Variants in SLCO3A1 observed in about 807,000 individuals in gnomAD.
SLCO3A1 encodes PGE1 transporter.
SLCO3A1 carries 27 observed loss-of-function variants against 63.1 expected under a neutral mutation model. That is an observed-to-expected ratio of 0.43 (90% confidence interval 0.32 to 0.59). The LOEUF (loss-of-function observed/expected upper bound fraction) is 0.59, where lower values mean the gene tolerates loss of function less well. Ranked by LOEUF, SLCO3A1 falls within the 20% of genes least tolerant of loss-of-function variation. The pLI is 0.09. For synonymous variants in SLCO3A1, 473 were observed against 409.9 expected (o/e 1.15, Z -1.86); for missense variants, 773 against 945.8 (o/e 0.82, Z 2.40).
At chr15:92,150,901 G>T in intron 8 of SLCO3A1, 49 bp from the exon 9 acceptor site, 1 of 1,382,538 alleles carries the variant, frequency 7.2e-7, no homozygotes, top group Non-Finnish European at 1.0e-6. Context: ...AATTACAGGG[G>T]AATGATAAAA....
intron 2 of SLCO3A1, among the ~76,000 whole-genome samples, chr15:91,963,726 C>T (rs917075094): frequency 8.5e-5 from 13 of 152,120 alleles, no homozygotes; most frequent in East Asian, 1.9e-4. Context: ...TTGGTGGGTT[C>T]GTGGTCTCGC....
At position 92,104,094 on chromosome 15, in the gene SLCO3A1, G is replaced by A. The variant is rs374151508; in HGVS notation, c.746-185G>A. Among the ~76,000 whole-genome samples, 73 of 152,288 alleles carry A rather than the reference G, an allele frequency of 4.8e-4. 1 individual carries two copies. The East Asian group carries it at 0.012, about 25-fold the overall frequency. On this transcript the variant is annotated intron_variant, in intron 3 of 9. Transcript: ENST00000318445. ...TAAGGGGGGAATGTGATCAGCCTCC[G>A]GCTTTGAGAGAAACAGAACCGCTGG...
At chr15:92,019,735 T>G (rs1446494707) in intron 2 of SLCO3A1, among the ~76,000 whole-genome samples, 1 of 152,206 alleles carries the variant, frequency 6.6e-6, no homozygotes, top group African/African-American at 2.4e-5. Context: ...CCTTTGTCCC[T>G]TTTCCCGAGG....
intron 2 of SLCO3A1, among the ~76,000 whole-genome samples, chr15:92,022,889 G>A (rs1040060655): frequency 6.6e-6 from 1 of 152,116 alleles, no homozygotes; most frequent in African/African-American, 2.4e-5. Context: ...GCTACCTGCA[G>A]TCAGGGAGTC....
At chr15:92,120,266 C>T (rs6496892) in intron 4 of SLCO3A1, among the ~76,000 whole-genome samples, 199 bp from the exon 5 acceptor site, 119,170 of 152,046 alleles carry the variant, frequency 0.78, 48,286 homozygotes, top group Non-Finnish European at 0.9. Context: ...TGTCAGTGTA[C>T]GCTTTGAAGC....
chr15:92,120,574 G>T lies in SLCO3A1; in HGVS notation c.1119G>T (p.Gly373=). 1 of 1,613,906 alleles carries T rather than the reference G, an allele frequency of 6.2e-7. No individual in the cohort carries two copies. The highest frequency in any genetic ancestry group is 8.5e-7 in the Non-Finnish European group (1 of 1,179,958). Residue 373 remains glycine (G), a synonymous_variant, in exon 5 of 10, where the codon GGG becomes GGT. Transcript: ENST00000318445. Reference sequence around the variant, plus strand: ...TGGCTGGCTTCGCTGCCTTTTTGGGGAAGTACCTGGAGCAGCAGTTTAACC... The same window carrying T: ...TGGCTGGCTTCGCTGCCTTTTTGGGTAAGTACCTGGAGCAGCAGTTTAACC... The part of the protein sequence containing the change: ...AVVAGFAAFL[G]KYLEQQFNLT...
Position 91,860,595 on chromosome 15 carries a change from TGAAGC to T in SLCO3A1, c.180+6508_180+6512del, listed in dbSNP as rs768854639. On this transcript the variant is annotated intron_variant, in intron 1 of 9. Coordinates refer to ENST00000318445, the MANE Select transcript of SLCO3A1 (RefSeq NM_013272.4). This position sits in a 1 kb window ranked among gnomAD's most constrained non-coding sequence, Gnocchi z 5.5. ...TTCCTAAACTGGTGATCTGGGCTCCTGAAGCTTGCTCTGCTTCACTGGCTGAAAGG... is the reference window on the plus strand; with the variant it reads ...TTCCTAAACTGGTGATCTGGGCTCCTTTGCTCTGCTTCACTGGCTGAAAGG... Among the ~76,000 whole-genome samples, 96 of 152,368 alleles carry T rather than the reference TGAAGC, an allele frequency of 6.3e-4. 1 individual carries two copies. The highest frequency in any genetic ancestry group is 1.2e-3 in the Non-Finnish European group (84 of 68,032).
At chr15:91,981,303 C>T (rs1293543807) in intron 2 of SLCO3A1, among the ~76,000 whole-genome samples, 1 of 152,190 alleles carries the variant, frequency 6.6e-6, no homozygotes, top group Non-Finnish European at 1.5e-5. Flanking sequence ...ACACTTCTTG[C>T]TCAGAAAGCT....
chr15:92,048,207 C>T (rs2046913549), intron 2 of SLCO3A1, among the ~76,000 whole-genome samples: 1 of 152,090 alleles, frequency 6.6e-6, no homozygotes, highest in Non-Finnish European at 1.5e-5. Context: ...TTACTATTGC[C>T]TGGACTTATT....
chr15:91,918,514 T>C (rs1898735684), intron 2 of SLCO3A1, among the ~76,000 whole-genome samples: 1 of 152,206 alleles, frequency 6.6e-6, no homozygotes, highest in Non-Finnish European at 1.5e-5. Context: ...TTTATCGGGA[T>C]CAGGAGAGGA....
chr15:92,087,060 T>TA (rs2047413710), intron 2 of SLCO3A1, among the ~76,000 whole-genome samples: 2 of 152,112 alleles, frequency 1.3e-5, no homozygotes, highest in Non-Finnish European at 2.9e-5. Flanking sequence ...TAGAAGCTTT[T>TA]ATGTTTTCCT....
intron 2 of SLCO3A1, among the ~76,000 whole-genome samples, chr15:92,044,225 T>G (rs1267438898): frequency 6.6e-6 from 1 of 152,136 alleles, no homozygotes; most frequent in Non-Finnish European, 1.5e-5. Context: ...CCTATCTCAG[T>G]GCCCACAACT....
At chr15:92,088,990 A>C (rs1254101762) in intron 2 of SLCO3A1, among the ~76,000 whole-genome samples, 1 of 149,770 alleles carries the variant, frequency 6.7e-6, no homozygotes, top group Non-Finnish European at 1.5e-5. Context: ...CACTTACCCC[A>C]GCTTTATTTA....
chr15:92,025,302 A>G (rs1309176374), intron 2 of SLCO3A1, among the ~76,000 whole-genome samples: 2 of 152,078 alleles, frequency 1.3e-5, no homozygotes, highest in African/African-American at 4.8e-5. Context: ...GCTCAAAGGT[A>G]AGCCAAGCCA....
At chr15:92,016,234 T>TAGAC (rs2046427760) in intron 2 of SLCO3A1, among the ~76,000 whole-genome samples, 1 of 52,666 alleles carries the variant, frequency 1.9e-5, no homozygotes, top group Non-Finnish European at 3.2e-5. Context: ...GATAGATAGA[T>TAGAC]AGATAGATAG....
chr15:91,919,407 A>G (rs1898767618), intron 2 of SLCO3A1, among the ~76,000 whole-genome samples: 1 of 152,214 alleles, frequency 6.6e-6, no homozygotes, highest in South Asian at 2.1e-4. Context: ...AAACTGGATG[A>G]ATGGGGACTC....
intron 2 of SLCO3A1, among the ~76,000 whole-genome samples, chr15:92,060,274 A>T (rs748473699): frequency 6.6e-6 from 1 of 151,954 alleles, no homozygotes; most frequent in Non-Finnish European, 1.5e-5. Context: ...AATTAACCTT[A>T]GCCAGCTGGG....
exon 11 of SLCO3A1, chr15:92,172,402 T>C (rs906026196): frequency 1.3e-5 from 2 of 152,314 alleles, no homozygotes; most frequent in African/African-American, 4.8e-5. Flanking sequence ...GTACGTTTGC[T>C]GAAAATTATA....
intron 2 of SLCO3A1, among the ~76,000 whole-genome samples, chr15:92,091,386 C>T (rs1403695078): frequency 1.3e-5 from 2 of 152,220 alleles, no homozygotes; most frequent in South Asian, 2.1e-4. Flanking sequence ...CACAGGGATC[C>T]TGCATCTCAG....
Sources: allele counts gnomAD v4.1 joint callset (sites outside exome capture counted in the v4.1 genomes callset), GRCh38; gene constraint gnomAD v4.1.1; non-coding constraint Gnocchi (gnomAD v3.1); transcripts MANE v1.5; gene names NCBI Gene and HGNC (gene_info 2026-07-23, HGNC 2026-07-21).